Variants in FCF1 observed in about 807,000 individuals in gnomAD.
The protein encoded by FCF1 is rRNA-processing protein FCF1 homolog.
In FCF1, 17 loss-of-function variants were observed where a neutral mutation model predicts 32.5. The ratio of observed to expected loss-of-function variants is 0.52; its 90% confidence interval spans 0.36 to 0.78. The LOEUF (loss-of-function observed/expected upper bound fraction) is 0.78. Ranked by LOEUF, FCF1 falls within the 30% of genes least tolerant of loss-of-function variation. FCF1 has a pLI of 0.00. For missense variants in FCF1, 201 were observed against 241.1 expected (o/e 0.83, Z 1.10); for synonymous variants, 84 against 78.4 (o/e 1.07, Z -0.38).
At chr14:74,725,701 G>A (rs1050556666) in intron 5 of FCF1, among the ~76,000 whole-genome samples, 4 of 151,726 alleles carry the variant, frequency 2.6e-5, no homozygotes, top group African/African-American at 9.7e-5. Context: ...TTGGGAGGCC[G>A]AGGCGGGTGG....
intron 5 of FCF1, 53 bp downstream of exon 5, chr14:74,723,397 C>A: frequency 1.6e-6 from 2 of 1,269,512 alleles, no homozygotes; most frequent in Non-Finnish European, 2.2e-6. Flanking sequence ...GAAGATTCAT[C>A]TGTTTGTTGT....
Position 74,735,303 on chromosome 14 carries a change from C to G in FCF1, c.*373C>G, listed in dbSNP as rs1264812111. 6.1e-6 allele frequency: 1 copy of G among 163,068 alleles called. No individual in the cohort carries two copies. Among genetic ancestry groups the G allele is most frequent in the Non-Finnish European group, 1.3e-5 (1 of 75,418 alleles). 10.1% of individuals were successfully genotyped at this position (163,068 alleles called of 1,614,324 possible). On this transcript the variant is annotated 3_prime_UTR_variant, in exon 8 of 8. Transcript: ENST00000341162. Reference sequence around the variant, plus strand: ...TATCTGTCTAGTTACCTTGCAGCTGCACAGCTAGAGAAACAGGGTATTTAC... The same window carrying G: ...TATCTGTCTAGTTACCTTGCAGCTGGACAGCTAGAGAAACAGGGTATTTAC...
chr14:74,715,980 A>G lies in FCF1; in HGVS notation c.173A>G (p.Gln58Arg). 4 of 1,613,848 alleles carry G rather than the reference A, an allele frequency of 2.5e-6. No homozygotes were observed. Among genetic ancestry groups the G allele is most frequent in the Non-Finnish European group, 3.4e-6 (4 of 1,179,880 alleles). Residue 58 changes from glutamine (Q) to arginine (R), a missense_variant, in exon 4 of 8, where the codon CAA becomes CGA. By Grantham distance (43) the Gln-to-Arg change is conservative. Transcript: ENST00000341162. ...VPQHPSCLFFQYNTQLGPPYH... is the reference protein window; with the variant it reads ...VPQHPSCLFFRYNTQLGPPYH... ...CAACACCCTTCCTGCTTATTTTTCC[A>G]ATATAATACACAGCTGGGCCCACCT...
intron 5 of FCF1, among the ~76,000 whole-genome samples, chr14:74,731,518 ACTC>A (rs2090637313): frequency 3.3e-5 from 5 of 151,576 alleles, no homozygotes; most frequent in African/African-American, 1.2e-4. Context: ...ATCTTTAATG[ACTC>A]CTCATTACCT....
Position 74,716,119 on chromosome 14 carries a change from G to A in FCF1, c.292+20G>A, listed in dbSNP as rs1035248814. 1.9e-6 allele frequency: 3 copies of A among 1,607,884 alleles called. No individual in the cohort carries two copies. In the African/African-American group the frequency reaches 4.0e-5, roughly 21 times the overall value. ...CCAAGTGTGAGTATCATACTTTTAT[G>A]TTTCCGTGACATTTGTTCAGAATAA... On this transcript the variant is annotated intron_variant, in intron 4 of 7. Transcript: ENST00000341162.
At chr14:74,727,964 T>G (rs1474393006) in intron 5 of FCF1, among the ~76,000 whole-genome samples, 1 of 152,206 alleles carries the variant, frequency 6.6e-6, no homozygotes, top group Non-Finnish European at 1.5e-5. Context: ...TTGATCTATA[T>G]TTCTGTTTTG....
At chr14:74,730,928 G>A (rs979156860) in intron 5 of FCF1, among the ~76,000 whole-genome samples, 5 of 152,040 alleles carry the variant, frequency 3.3e-5, no homozygotes, top group Non-Finnish European at 7.4e-5. Flanking sequence ...GAACCCGGGA[G>A]CAGAGGTTGC....
intron 1 of FCF1, 41 bp from the exon 2 acceptor site, chr14:74,713,444 T>C: frequency 1.9e-6 from 3 of 1,595,586 alleles, no homozygotes; most frequent in Non-Finnish European, 2.6e-6. Flanking sequence ...AAAGATGCCG[T>C]GTGTTTCCAA....
chr14:74,713,490 G>A lies in FCF1; in HGVS notation c.9G>A (p.Lys3=), dbSNP rs750277583. The A allele has an allele frequency of 1.1e-5, 18 of 1,612,710 alleles. No individual in the cohort carries two copies. Among genetic ancestry groups the A allele is most frequent in the South Asian group, 9.9e-5 (9 of 91,024 alleles). The change falls in exon 2 of 8, where the codon AAG becomes AAA. Residue 3 remains lysine, a synonymous_variant. Coordinates refer to ENST00000341162, the MANE Select transcript of FCF1 (RefSeq NM_015962.5). ...TCTAAAATTTCTGTTTCAAGGGGAAGCAAAAGAAAACAAGGAAGTATGCGA... is the reference window on the plus strand; with the variant it reads ...TCTAAAATTTCTGTTTCAAGGGGAAACAAAAGAAAACAAGGAAGTATGCGA... The part of the protein sequence containing the change: MG[K]QKKTRKYATM...
intron 5 of FCF1, among the ~76,000 whole-genome samples, chr14:74,731,088 G>A (rs1355360135): frequency 1.3e-5 from 2 of 152,002 alleles, no homozygotes; most frequent in Non-Finnish European, 2.9e-5. Flanking sequence ...TCCTGCTTTG[G>A]CCTCCTAAAG....
chr14:74,725,152 A>G (rs1875821927), intron 5 of FCF1, among the ~76,000 whole-genome samples: 1 of 152,002 alleles, frequency 6.6e-6, no homozygotes, highest in Admixed American at 6.6e-5. Flanking sequence ...TTATGTACGT[A>G]ATAGCAAAAA....
At chr14:74,721,881 C>G (rs2090508773) in intron 4 of FCF1, among the ~76,000 whole-genome samples, 1 of 151,934 alleles carries the variant, frequency 6.6e-6, no homozygotes, top group Non-Finnish European at 1.5e-5. Context: ...ATATGTCTCC[C>G]TAAGAGTGTA....
Position 74,713,215 on chromosome 14 carries a change from T to C in FCF1, c.3+15T>C, listed in dbSNP as rs750637201. On this transcript the variant is annotated intron_variant, in intron 1 of 7. Transcript: ENST00000341162. ...GCGTGACCATGGTGAGAGAAGACGG[T>C]CCAAGAAGGGACGTTATCAGGCCAC... 3 of 1,614,194 alleles carry C rather than the reference T, an allele frequency of 1.9e-6. No individual in the cohort carries two copies. Among genetic ancestry groups the C allele is most frequent in the African/African-American group, 1.3e-5 (1 of 75,032 alleles).
intron 6 of FCF1, among the ~76,000 whole-genome samples, chr14:74,733,462 A>T (rs2090664171): frequency 6.6e-6 from 1 of 152,214 alleles, no homozygotes; most frequent in South Asian, 2.1e-4. Flanking sequence ...AGCTGACACC[A>T]CTCTGCCACT....
chr14:74,723,685 G>A (rs376109969), intron 5 of FCF1, among the ~76,000 whole-genome samples: 4 of 151,746 alleles, frequency 2.6e-5, no homozygotes, highest in African/African-American at 7.3e-5. Context: ...AAAATTAGCC[G>A]GCTGTGGTGG....
chr14:74,729,305 T>G (rs1187952176), intron 5 of FCF1, among the ~76,000 whole-genome samples: 1 of 152,036 alleles, frequency 6.6e-6, no homozygotes, highest in Non-Finnish European at 1.5e-5. Flanking sequence ...ATTCAGAGAT[T>G]CAACTTCTTC....
At chr14:74,730,862 G>T (rs1161273511) in intron 5 of FCF1, among the ~76,000 whole-genome samples, 1 of 152,194 alleles carries the variant, frequency 6.6e-6, no homozygotes, top group East Asian at 1.9e-4. Flanking sequence ...AGCTGGGCAT[G>T]GTGGCGCATG....
Position 74,713,543 on chromosome 14 carries a change from A to G in FCF1, c.62A>G (p.Asp21Gly). Residue 21 changes from aspartate to glycine, a missense_variant, in exon 2 of 8, where the codon GAT (aspartate) becomes GGT (glycine). Transcript: ENST00000341162. ...ATGAAGCGAATGCTTAGTCTCAGAG[A>G]TCAGAGGCTGTGAGTGTCTGGAATC... ...ATMKRMLSLR[D>G]QRLKEKDRLK... is the part of the protein sequence containing the mutation. The G allele has an allele frequency of 6.2e-7, 1 of 1,611,466 alleles. No homozygotes were observed.
At chr14:74,714,750 A>G in intron 2 of FCF1, 122 bp from the exon 3 acceptor site, 1 of 1,310,638 alleles carries the variant, frequency 7.6e-7, no homozygotes, top group East Asian at 2.6e-5. Flanking sequence ...ACATGAGGAT[A>G]TCACAAAGTA....
Sources: allele counts gnomAD v4.1 joint callset (sites outside exome capture counted in the v4.1 genomes callset), GRCh38; gene constraint gnomAD v4.1.1; transcripts MANE v1.5; gene names NCBI Gene and HGNC (gene_info 2026-07-23, HGNC 2026-07-21).